Variants in TMEM71 observed in about 807,000 individuals in gnomAD.
The protein encoded by TMEM71 is transmembrane protein 71.
In TMEM71, 44 loss-of-function variants were observed where a neutral mutation model predicts 38.0. The ratio of observed to expected loss-of-function variants is 1.16; its 90% CI spans 0.91 to 1.49. The LOEUF (loss-of-function observed/expected upper bound fraction) is 1.49. Among genes scored for constraint, TMEM71 ranks in the 40% most tolerant of loss-of-function variants. The probability of loss-of-function intolerance (pLI) is 0.00; values close to 1 mark genes in which losing one functional copy is unlikely to be tolerated. For synonymous variants in TMEM71, 133 were observed against 122.5 expected, an observed-to-expected ratio of 1.09 and a Z score of -0.56; for missense variants, 367 against 348.6, an observed-to-expected ratio of 1.05 and a Z score of -0.42.
intron 5 of TMEM71, among the ~76,000 whole-genome samples, chr8:132,739,749 T>G (rs1827940278): frequency 6.6e-6 from 1 of 152,320 alleles, no homozygotes; most frequent in East Asian, 1.9e-4. Flanking sequence ...AGATAATGTA[T>G]GTAAACAAGC....
Position 132,727,802 on chromosome 8 carries a change from A to G in TMEM71, c.672T>C (p.His224=), listed in dbSNP as rs775637298. 5 of 1,605,446 alleles carry G rather than the reference A, an allele frequency of 3.1e-6. No homozygotes were observed. The South Asian group carries it at 5.6e-5, about 18-fold the overall frequency. ...SERFQENSSD[H]SETRLLQEVF... is the part of the protein sequence containing the mutation. ...ATTTAAAACACCTGAACTCACCTGA[A>G]TGATCCGAACTATTCTCTTGGAAAC... is the stretch of plus-strand genomic sequence containing the variant. Residue 224 remains histidine (H), a synonymous_variant, in exon 6 of 10, where the codon CAT becomes CAC. Transcript: ENST00000677595.
intron 2 of TMEM71, among the ~76,000 whole-genome samples, chr8:132,757,669 A>G (rs566042349): frequency 6.6e-6 from 1 of 152,104 alleles, no homozygotes; most frequent in East Asian, 1.9e-4. Context: ...ACTAAAATAT[A>G]CAAAAAATTA....
downstream of TMEM71, among the ~76,000 whole-genome samples, chr8:132,709,751 C>A (rs1030094665): frequency 6.6e-6 from 1 of 152,058 alleles, no homozygotes; most frequent in African/African-American, 2.4e-5. Flanking sequence ...AATAACTCTG[C>A]TGACCTTTAT....
chr8:132,714,808 T>G (rs192564657), intron 7 of TMEM71, among the ~76,000 whole-genome samples: 36 of 152,316 alleles, frequency 2.4e-4, no homozygotes, highest in African/African-American at 8.2e-4. Flanking sequence ...TTGCAAATTA[T>G]GTATCTAATC....
chr8:132,754,515 T>C (rs1473288419), intron 3 of TMEM71, among the ~76,000 whole-genome samples: 1 of 152,204 alleles, frequency 6.6e-6, no homozygotes, highest in Non-Finnish European at 1.5e-5. Context: ...GTTGTTATTG[T>C]TGTTGTTGTT....
At chr8:132,711,074 A>G (rs1279901339) in intron 9 of TMEM71, 92 bp from the exon 10 acceptor site, 5 of 1,193,920 alleles carry the variant, frequency 4.2e-6, no homozygotes, top group Non-Finnish European at 6.1e-6. Context: ...TTGCGCATAT[A>G]TAAGCACACA....
At chr8:132,774,069 G>C in the TMEM71 span, among the ~76,000 whole-genome samples, 1 of 152,164 alleles carries the variant, frequency 6.6e-6, no homozygotes, top group Admixed American at 6.5e-5. Flanking sequence ...TGGTGAGCTG[G>C]CATTAAAAAT....
intron 5 of TMEM71, 32 bp from the exon 6 acceptor site, chr8:132,728,018 G>GTC (rs1359055353): frequency 1.1e-6 from 1 of 890,944 alleles, no homozygotes; most frequent in East Asian, 8.5e-5. Context: ...GTGTGAGTGT[G>GTC]TGTGTGTGTG....
intron 5 of TMEM71, among the ~76,000 whole-genome samples, chr8:132,734,275 A>G (rs1827624930): frequency 6.6e-6 from 1 of 152,196 alleles, no homozygotes; most frequent in African/African-American, 2.4e-5. Flanking sequence ...AGGTGTCTGC[A>G]TATGTCTAAA....
chr8:132,715,935 T>C (rs574421224), intron 7 of TMEM71, among the ~76,000 whole-genome samples: 1 of 152,036 alleles, frequency 6.6e-6, no homozygotes, highest in Non-Finnish European at 1.5e-5. Context: ...AAAACTGAAG[T>C]CCCATAAGCG....
downstream of TMEM71, among the ~76,000 whole-genome samples, chr8:132,705,894 G>C (rs1826089222): frequency 6.6e-6 from 1 of 152,232 alleles, no homozygotes; most frequent in Non-Finnish European, 1.5e-5. Flanking sequence ...ATTATGTACT[G>C]AATGTTTTTG....
Position 132,746,980 on chromosome 8 carries a change from C to T in TMEM71, c.449G>A (p.Gly150Glu). ...SSPSEDNWLK[G>E]TRRLDTDHCN... ...ATGGTCTGTGTCCAACCTCCTGGTC[C>T]CCTTCAACCAGTTGTCTTCACTTGG... is the stretch of plus-strand genomic sequence containing the variant. The change falls in exon 5 of 10, where the codon GGG (glycine) becomes GAG (glutamate). Residue 150 changes from glycine to glutamate, a missense_variant. Coordinates refer to ENST00000677595, the MANE Select transcript of TMEM71 (RefSeq NM_001382403.1). 1 of 1,611,942 alleles carries T rather than the reference C, an allele frequency of 6.2e-7. No homozygotes were observed. Among genetic ancestry groups the T allele is most frequent in the Non-Finnish European group, 8.5e-7 (1 of 1,179,338 alleles).
intron 5 of TMEM71, among the ~76,000 whole-genome samples, chr8:132,744,216 CT>C (rs1270560385): frequency 6.6e-6 from 1 of 152,180 alleles, no homozygotes; most frequent in Non-Finnish European, 1.5e-5. Context: ...CAATAAATAT[CT>C]GTTGTTTCCA....
chr8:132,727,318 G>A (rs372713015), intron 6 of TMEM71, among the ~76,000 whole-genome samples: 6 of 150,110 alleles, frequency 4.0e-5, no homozygotes, highest in African/African-American at 7.4e-5. Context: ...GTGCAATGGC[G>A]CGATCTCAGC....
At chr8:132,723,567 A>G (rs1170998945) in intron 6 of TMEM71, among the ~76,000 whole-genome samples, 1 of 152,098 alleles carries the variant, frequency 6.6e-6, no homozygotes, top group Non-Finnish European at 1.5e-5. Flanking sequence ...TGCTCCCATT[A>G]TACCTTGTTC....
chr8:132,728,019 T>C (rs1222383683), intron 5 of TMEM71, 33 bp from the exon 6 acceptor site: 1 of 895,398 alleles, frequency 1.1e-6, no homozygotes, highest in Non-Finnish European at 1.5e-6. Context: ...TGTGAGTGTG[T>C]GTGTGTGTGT....
At chr8:132,766,856 T>G in the TMEM71 span, among the ~76,000 whole-genome samples, 1 of 152,252 alleles carries the variant, frequency 6.6e-6, no homozygotes, top group African/African-American at 2.4e-5. Flanking sequence ...AAAATCTTAT[T>G]TAATCATGGC....
At chr8:132,774,247 T>G in the TMEM71 span, among the ~76,000 whole-genome samples, 81 of 152,320 alleles carry the variant, frequency 5.3e-4, no homozygotes, top group African/African-American at 1.8e-3. Context: ...TGATGAGAAA[T>G]TTCTCAAACA....
At chr8:132,732,092 A>T (rs757789766) in intron 5 of TMEM71, among the ~76,000 whole-genome samples, 1 of 152,186 alleles carries the variant, frequency 6.6e-6, no homozygotes, top group Non-Finnish European at 1.5e-5. Flanking sequence ...AAGGAAGTCA[A>T]ATTAGATATT....
Sources: allele counts gnomAD v4.1 joint callset (sites outside exome capture counted in the v4.1 genomes callset), GRCh38; gene constraint gnomAD v4.1.1; transcripts MANE v1.5; gene names NCBI Gene and HGNC (gene_info 2026-07-23, HGNC 2026-07-21).